Variants in ACYP2 observed in about 807,000 individuals in gnomAD.
The protein encoded by ACYP2 is acylphosphatase-2.
ACYP2 carries 12 observed loss-of-function variants against 11.2 expected under a neutral mutation model. The observed-to-expected ratio is 1.08, with a 90% CI of 0.69 to 1.74. ACYP2 has a LOEUF of 1.74. Ranked by LOEUF, ACYP2 falls within the 40% of genes most tolerant of loss-of-function variation. ACYP2 has a pLI of 0.00. For synonymous variants in ACYP2, 43 were observed against 32.2 expected (o/e 1.33, Z -1.13); for missense variants, 134 against 101.9 (o/e 1.31, Z -1.35).
At chr2:54,253,439 A>G (rs1447174918) in intron 6 of ACYP2, 1 of 152,248 alleles carries the variant, frequency 6.6e-6, no homozygotes, top group Non-Finnish European at 1.5e-5. Flanking sequence ...AGAAAATATT[A>G]TAACACAGTA....
intron 6 of ACYP2, among the ~76,000 whole-genome samples, chr2:54,281,886 T>A (rs1258625111): frequency 6.6e-6 from 1 of 152,204 alleles, no homozygotes; most frequent in Non-Finnish European, 1.5e-5. Context: ...TTATACCCTA[T>A]CAGCTAATTA....
At chr2:54,026,252 G>A (rs1674279524) in intron 2 of ACYP2, among the ~76,000 whole-genome samples, 1 of 152,112 alleles carries the variant, frequency 6.6e-6, no homozygotes, top group African/African-American at 2.4e-5. Flanking sequence ...ATTAAAAAGT[G>A]GGCTAAGGAC....
At chr2:54,079,779 A>G (rs1209764543) in intron 4 of ACYP2, among the ~76,000 whole-genome samples, 3 of 152,242 alleles carry the variant, frequency 2.0e-5, no homozygotes, top group Non-Finnish European at 4.4e-5. Flanking sequence ...AAGATTACAA[A>G]TGCAAAATTA....
chr2:54,152,115 C>CTTTTTTT (rs59900871), intron 6 of ACYP2, among the ~76,000 whole-genome samples: 4 of 106,934 alleles, frequency 3.7e-5, no homozygotes, highest in African/African-American at 1.4e-4. Flanking sequence ...AGGGTTGACT[C>CTTTTTTT]TTTTTTTTTT....
chr2:53,981,977 C>T (rs981289198), intron 2 of ACYP2, among the ~76,000 whole-genome samples: 7 of 152,058 alleles, frequency 4.6e-5, no homozygotes, highest in African/African-American at 1.4e-4. Flanking sequence ...CAAAGCTTTT[C>T]GTGTTTCTTC....
At chr2:54,164,027 T>G (rs1343128395) in intron 6 of ACYP2, among the ~76,000 whole-genome samples, 1 of 152,144 alleles carries the variant, frequency 6.6e-6, no homozygotes, top group Non-Finnish European at 1.5e-5. Context: ...ATTACCAAAA[T>G]AGGGAGTATT....
At chr2:54,273,545 A>T (rs1289121680) in intron 6 of ACYP2, among the ~76,000 whole-genome samples, 7 of 152,086 alleles carry the variant, frequency 4.6e-5, no homozygotes, top group African/African-American at 1.4e-4. Context: ...CCTCACTACA[A>T]CCTCTGCCTC....
chr2:54,179,980 C>T (rs1464843003), intron 6 of ACYP2, among the ~76,000 whole-genome samples: 12 of 152,172 alleles, frequency 7.9e-5, no homozygotes, highest in Admixed American at 1.3e-4. Context: ...TAGCAAGTCT[C>T]GGCCTCTGGA....
intron 2 of ACYP2, among the ~76,000 whole-genome samples, chr2:54,005,529 G>A (rs371222299): frequency 2.5e-4 from 38 of 152,086 alleles, no homozygotes; most frequent in Admixed American, 1.2e-3. Context: ...TAGTAGAGAC[G>A]GGTTTTGCCA....
chr2:54,045,506 A>G (rs1157510668), intron 2 of ACYP2, among the ~76,000 whole-genome samples: 1 of 152,196 alleles, frequency 6.6e-6, no homozygotes, highest in Non-Finnish European at 1.5e-5. Flanking sequence ...AAGGCTTGAC[A>G]TTGAAAACTC....
chr2:54,177,651 C>T lies in ACYP2; in HGVS notation c.404+38903C>T, dbSNP rs573685475. ...GGAGTGTAGTGGCACGATCTCGGCT[C>T]ACTGCAACCTGTGCCTCCCAGGTTC... On this transcript the variant is annotated intron_variant, in intron 6 of 6. Transcript: ENST00000607452. Among the ~76,000 whole-genome samples, 23 of 150,922 alleles carry T rather than the reference C, an allele frequency of 1.5e-4. No homozygotes were observed. The South Asian group carries it at 4.0e-3, about 26-fold the overall frequency.
intron 2 of ACYP2, among the ~76,000 whole-genome samples, chr2:54,032,219 G>C (rs1008083818): frequency 1.5e-4 from 23 of 152,078 alleles, no homozygotes; most frequent in Non-Finnish European, 5.9e-5. Flanking sequence ...TGTCCTGAAT[G>C]GTATTGCCTA....
chr2:54,256,642 G>A (rs1311996239), intron 6 of ACYP2, among the ~76,000 whole-genome samples: 1 of 152,000 alleles, frequency 6.6e-6, no homozygotes, highest in Non-Finnish European at 1.5e-5. Flanking sequence ...CTCCCACTCT[G>A]TGGGGTTACT....
At chr2:54,225,928 T>C (rs887339028) in intron 6 of ACYP2, among the ~76,000 whole-genome samples, 1 of 152,188 alleles carries the variant, frequency 6.6e-6, no homozygotes, top group African/African-American at 2.4e-5. Context: ...AATAACTCAT[T>C]GCAGAAAATT....
At chr2:54,036,776 A>G (rs1674924372) in intron 2 of ACYP2, among the ~76,000 whole-genome samples, 1 of 152,202 alleles carries the variant, frequency 6.6e-6, no homozygotes, top group African/African-American at 2.4e-5. Flanking sequence ...ATAAAGTGGC[A>G]TTTGAATGTC....
At chr2:54,119,152 T>G (rs891410120) in intron 4 of ACYP2, among the ~76,000 whole-genome samples, 1 of 147,774 alleles carries the variant, frequency 6.8e-6, no homozygotes, top group African/African-American at 2.5e-5. Flanking sequence ...TGGGCTCATA[T>G]GATCTTCCTG....
chr2:54,255,964 T>C (rs1687501680), intron 6 of ACYP2: 3 of 1,613,914 alleles, frequency 1.9e-6, no homozygotes, highest in African/African-American at 1.3e-5. Context: ...ATCTGCGGGA[T>C]CCTGGGGCGC....
At chr2:54,097,788 T>C (rs1380446509) in intron 4 of ACYP2, among the ~76,000 whole-genome samples, 1 of 152,124 alleles carries the variant, frequency 6.6e-6, no homozygotes, top group African/African-American at 2.4e-5. Context: ...CTGCAAAAGA[T>C]ATTTTTAACT....
In ACYP2 at chr2:54,051,094, T is replaced by C. The variant is rs756012868; in HGVS notation, c.155+44T>C. 5 of 605,792 alleles carry C rather than the reference T, an allele frequency of 8.3e-6. No homozygotes were observed. In the East Asian group the frequency reaches 1.1e-4, roughly 13 times the overall value. The allele number at this position is 605,792 out of a possible 1,614,324, so 37.5% of individuals were successfully genotyped here. ...GGTCACAAATTCCTTTAAAGAGCTG[T>C]GCAATGGCTCTCACAGCCATTGCAG... On this transcript the variant is annotated intron_variant, in intron 3 of 6. Transcript: ENST00000607452.
Sources: gnomAD v4.1 joint callset for allele counts (sites outside exome capture counted in the v4.1 genomes callset) on GRCh38, gnomAD v4.1.1 for gene constraint, MANE v1.5 for transcripts, NCBI Gene and HGNC (gene_info 2026-07-23, HGNC 2026-07-21) for gene names.